The following GLIS3 variants were observed in gnomAD, a reference collection of about 807,000 sequenced individuals.
The protein encoded by GLIS3 is GLIS family zinc finger 3, also known as zinc finger protein GLIS3.
In GLIS3, 53 loss-of-function variants were observed where a neutral mutation model predicts 78.6. The ratio of observed to expected loss-of-function variants is 0.67; its 90% CI spans 0.54 to 0.85. The LOEUF (loss-of-function observed/expected upper bound fraction) is 0.85. Among genes scored for constraint, GLIS3 ranks in the 40% least tolerant of loss-of-function variants. The pLI is 0.00. For synonymous variants in GLIS3, 684 were observed against 509.9 expected (o/e 1.34, Z -4.60); for missense variants, 1,703 against 1,231.1 (o/e 1.38, Z -5.74).
At chr9:4,244,706 C>A (rs1002476271) in intron 2 of GLIS3, among the ~76,000 whole-genome samples, 13 of 152,072 alleles carry the variant, frequency 8.5e-5, no homozygotes, top group Non-Finnish European at 1.8e-4. Context: ...TCCTGAGTAG[C>A]TGGGATTAGA....
At chr9:4,177,062 T>C (rs1816869839) in intron 2 of GLIS3, among the ~76,000 whole-genome samples, 1 of 152,258 alleles carries the variant, frequency 6.6e-6, no homozygotes, top group South Asian at 2.1e-4. Context: ...TCATTACCAA[T>C]GTATGGGAAT....
intron 4 of GLIS3, among the ~76,000 whole-genome samples, chr9:4,061,102 C>T (rs1010376490): frequency 2.6e-4 from 40 of 151,970 alleles, no homozygotes; most frequent in Admixed American, 1.9e-3. Context: ...TTCTAGGGTA[C>T]ATGTGCACAA....
intron 6 of GLIS3, among the ~76,000 whole-genome samples, chr9:3,913,161 A>T (rs1824264223): frequency 6.6e-6 from 1 of 152,196 alleles, no homozygotes; most frequent in South Asian, 2.1e-4. Flanking sequence ...TGTAAAAGTC[A>T]GTGGATCTCA....
At chr9:4,153,962 T>C (rs898699034) in intron 2 of GLIS3, among the ~76,000 whole-genome samples, 3 of 152,188 alleles carry the variant, frequency 2.0e-5, no homozygotes, top group African/African-American at 7.2e-5. Context: ...AGCAGTCATC[T>C]GAAGGGTGGG....
At chr9:4,422,869 G>A in the GLIS3 span, among the ~76,000 whole-genome samples, 1 of 152,294 alleles carries the variant, frequency 6.6e-6, no homozygotes, top group East Asian at 1.9e-4. Context: ...CAAAGACCCT[G>A]AGATAGAAAA....
chr9:4,009,570 G>A (rs774747505), intron 4 of GLIS3, among the ~76,000 whole-genome samples: 20 of 152,220 alleles, frequency 1.3e-4, no homozygotes, highest in Non-Finnish European at 2.5e-4. Context: ...CTGCTGGCCA[G>A]GTGGTTGGGG....
chr9:4,432,605 T>C, the GLIS3 span, among the ~76,000 whole-genome samples: 1 of 152,012 alleles, frequency 6.6e-6, no homozygotes, highest in Non-Finnish European at 1.5e-5. Context: ...TGTAAATTCA[T>C]TGTTTGAAAA....
Position 4,136,699 on chromosome 9 carries a change from G to C in GLIS3, c.389-10758C>G, listed in dbSNP as rs149172853. Among the ~76,000 whole-genome samples the C allele has an allele frequency of 1.2e-4, 19 of 152,270 alleles. 1 individual carries two copies. In the East Asian group the frequency reaches 3.5e-3, roughly 28 times the overall value. ...GTAGGGTGTAGACACAGAAACGAAA[G>C]GGAGGAGGCACAATGCGTCCTGGAG... On this transcript the variant is annotated intron_variant, in intron 2 of 10. Coordinates refer to ENST00000381971, the MANE Select transcript of GLIS3 (RefSeq NM_001042413.2).
At chr9:4,020,708 A>G (rs1822816808) in intron 4 of GLIS3, among the ~76,000 whole-genome samples, 1 of 152,232 alleles carries the variant, frequency 6.6e-6, no homozygotes, top group Non-Finnish European at 1.5e-5. Flanking sequence ...GACTTCTCCC[A>G]ATTATTTACA....
chr9:3,861,806 C>G (rs1039142030), intron 8 of GLIS3, among the ~76,000 whole-genome samples: 4 of 152,098 alleles, frequency 2.6e-5, no homozygotes, highest in African/African-American at 9.7e-5. Flanking sequence ...GGAGGGAGAG[C>G]ATCAGGAAAA....
chr9:3,969,694 C>T (rs528185384), intron 4 of GLIS3, among the ~76,000 whole-genome samples: 14 of 152,290 alleles, frequency 9.2e-5, no homozygotes, highest in Non-Finnish European at 1.9e-4. Context: ...AAGAACTCAG[C>T]TTGCTGTGTA....
chr9:4,371,141 A>AT, the GLIS3 span, among the ~76,000 whole-genome samples: 1 of 152,220 alleles, frequency 6.6e-6, no homozygotes, highest in African/African-American at 2.4e-5. Flanking sequence ...AAATGCATGC[A>AT]TAAACCATTT....
chr9:4,227,471 G>A (rs1000013372), intron 2 of GLIS3, among the ~76,000 whole-genome samples: 5 of 152,096 alleles, frequency 3.3e-5, no homozygotes, highest in African/African-American at 1.2e-4. Flanking sequence ...TAGCACAAAG[G>A]CAAAATATGG....
At chr9:3,963,737 GA>G (rs1363063352) in intron 4 of GLIS3, among the ~76,000 whole-genome samples, 3 of 152,056 alleles carry the variant, frequency 2.0e-5, no homozygotes, top group African/African-American at 7.2e-5. Context: ...TGCCAATCCA[GA>G]TTGATAATCT....
At chr9:4,117,697 G>GC in intron 4 of GLIS3, 71 bp downstream of exon 4, 1 of 1,585,422 alleles carries the variant, frequency 6.3e-7, no homozygotes, top group Admixed American at 1.7e-5. Flanking sequence ...GGCCGAGTTA[G>GC]GAAAAAACAC....
At chr9:4,388,204 T>C in the GLIS3 span, among the ~76,000 whole-genome samples, 1 of 152,184 alleles carries the variant, frequency 6.6e-6, no homozygotes, top group Non-Finnish European at 1.5e-5. Flanking sequence ...ACAGACCCCT[T>C]TTCCACTTCT....
chr9:4,170,154 G>C (rs1212348186), intron 2 of GLIS3, among the ~76,000 whole-genome samples: 3 of 152,176 alleles, frequency 2.0e-5, no homozygotes, highest in African/African-American at 4.8e-5. Flanking sequence ...AAAGAAATCA[G>C]TGTCCAGGAT....
intron 2 of GLIS3, among the ~76,000 whole-genome samples, chr9:4,233,488 A>G (rs1822453651): frequency 6.6e-6 from 1 of 152,196 alleles, no homozygotes; most frequent in Admixed American, 6.5e-5. Flanking sequence ...ATTTTGAAGG[A>G]AATCTTTCTT....
upstream of GLIS3, among the ~76,000 whole-genome samples, chr9:4,351,007 C>G (rs1817964060): frequency 6.6e-6 from 1 of 152,002 alleles, no homozygotes; most frequent in Admixed American, 6.6e-5. Context: ...CGCCATGAAG[C>G]TTGTCCTATC....
Sources: gnomAD v4.1 joint callset for allele counts (sites outside exome capture counted in the v4.1 genomes callset) on GRCh38, gnomAD v4.1.1 for gene constraint, MANE v1.5 for transcripts, NCBI Gene and HGNC (gene_info 2026-07-23, HGNC 2026-07-21) for gene names.